Variants in ADAM10 observed in about 807,000 individuals in gnomAD.
The protein encoded by ADAM10 is disintegrin and metalloproteinase domain-containing protein 10.
In ADAM10, 17 loss-of-function variants were observed where a neutral mutation model predicts 90.1. That is an observed-to-expected ratio of 0.19 (90% CI 0.13 to 0.28). ADAM10 has a LOEUF of 0.28. Ranked by LOEUF, ADAM10 falls within the 10% of genes least tolerant of loss-of-function variation. ADAM10 has a pLI of 1.00. For synonymous variants in ADAM10, 310 were observed against 298.6 expected (o/e 1.04, Z -0.40); for missense variants, 610 against 914.3 (o/e 0.67, Z 4.29).
rs1227660223 is a variant in ADAM10 at position 58,597,556 on chromosome 15, CAT to C, written c.2236_2237del (p.Met746GlufsTer27). ...RPRESYQMGHMRR is the reference protein window; with the variant it reads ...RPRESYQMGHXRR Reference sequence around the variant, plus strand: ...AAGGCAAAAGCTGCAGTTAGCGTCTCATGTGTCCCATTTGATAACTCTCTCGG... The same window carrying C: ...AAGGCAAAAGCTGCAGTTAGCGTCTCGTGTCCCATTTGATAACTCTCTCGG... On this transcript the variant is annotated frameshift_variant, in exon 16 of 16. Coordinates refer to ENST00000260408, the MANE Select transcript of ADAM10 (RefSeq NM_001110.4). LOFTEE classifies it high-confidence loss of function. The C allele has an allele frequency of 6.2e-7, 1 of 1,614,016 alleles. No individual in the cohort carries two copies. Among genetic ancestry groups the C allele is most frequent in the Non-Finnish European group, 8.5e-7 (1 of 1,180,006 alleles).
In ADAM10 at chr15:58,669,539, T is replaced by G. The variant is rs148719346; in HGVS notation, c.485-4342A>C. Among the ~76,000 whole-genome samples the G allele has an allele frequency of 3.9e-4, 60 of 152,306 alleles. No homozygotes were observed. In the East Asian group the frequency reaches 0.011, roughly 28 times the overall value. On this transcript the variant is annotated intron_variant, in intron 4 of 15. Transcript: ENST00000260408. Reference sequence around the variant, plus strand: ...TGCTACTAGCTTAAATTAAAATTCTTTGGGTATTTTGCTTGTCTTGTTTCC... The same window carrying G: ...TGCTACTAGCTTAAATTAAAATTCTGTGGGTATTTTGCTTGTCTTGTTTCC...
At chr15:58,742,236 G>C (rs946339805) in intron 1 of ADAM10, among the ~76,000 whole-genome samples, 1 of 152,114 alleles carries the variant, frequency 6.6e-6, no homozygotes, top group African/African-American at 2.4e-5. Flanking sequence ...ACTTGCAGTA[G>C]TACAAGTGGA....
chr15:58,746,697 G>A (rs534091368), intron 1 of ADAM10, among the ~76,000 whole-genome samples: 1 of 152,266 alleles, frequency 6.6e-6, no homozygotes, highest in South Asian at 2.1e-4. Context: ...GGTCGCTAGG[G>A]ACGAGGAGTT....
At chr15:58,636,379 A>G (rs1195701400) in intron 8 of ADAM10, among the ~76,000 whole-genome samples, 9 of 152,194 alleles carry the variant, frequency 5.9e-5, no homozygotes. Flanking sequence ...TGTAACTCTG[A>G]AAGTTATGGT....
At position 58,589,574 on chromosome 15, in the gene ADAM10, C is replaced by T. The variant is rs1391833156; in HGVS notation, c.*7973G>A. On this transcript the variant is annotated 3_prime_UTR_variant, in exon 16 of 16. Coordinates refer to ENST00000260408, the MANE Select transcript of ADAM10 (RefSeq NM_001110.4). ...ACCCTCAGCTCCCTGAAGGCACAGACTGCAGTCCTTTGGGGGCTGTGAAAA... is the reference window on the plus strand; with the variant it reads ...ACCCTCAGCTCCCTGAAGGCACAGATTGCAGTCCTTTGGGGGCTGTGAAAA... 1 of 152,294 alleles carries T rather than the reference C, an allele frequency of 6.6e-6. No homozygotes were observed. Among genetic ancestry groups the T allele is most frequent in the African/African-American group, 2.4e-5 (1 of 41,452 alleles). The allele number at this position is 152,294 out of a possible 1,614,324, so 9.4% of individuals were successfully genotyped here. A position where few individuals can be genotyped will look rare whatever the true frequency, so the allele number is the denominator to read the frequency against.
chr15:58,610,539 T>A (rs199900458), intron 13 of ADAM10, 22 bp from the exon 14 acceptor site: 21 of 1,603,604 alleles, frequency 1.3e-5, no homozygotes, highest in Non-Finnish European at 6.0e-6. Context: ...ATGCCAAATA[T>A]AAGCTGAAGG....
In ADAM10 at chr15:58,604,195, G is replaced by A. The variant is rs549003016; in HGVS notation, c.2026-4471C>T. Among the ~76,000 whole-genome samples, 80 of 151,952 alleles carry A rather than the reference G, an allele frequency of 5.3e-4. 1 individual carries two copies. The highest frequency in any genetic ancestry group is 1.0e-3 in the Non-Finnish European group (70 of 67,988). ...TGGCCAACATGGTGAAACCCCATCT[G>A]TGCTAAAATACAAAAATTGGCCAAG... On this transcript the variant is annotated intron_variant, in intron 14 of 15. Coordinates refer to ENST00000260408, the MANE Select transcript of ADAM10 (RefSeq NM_001110.4).
rs570048387 is a variant in ADAM10, at chr15:58,594,725, T to G, written c.*2822A>C. ...GAGAGGACGGACTGTAAACAGAATT[T>G]AAGCATTCAATTACAAGTAAAAATA... is the stretch of plus-strand genomic sequence containing the variant. On this transcript the variant is annotated 3_prime_UTR_variant, in exon 16 of 16. Transcript: ENST00000260408. 1 of 152,116 alleles carries G rather than the reference T, an allele frequency of 6.6e-6. No homozygotes were observed. 9.4% of individuals were successfully genotyped at this position (152,116 alleles called of 1,614,324 possible).
intron 2 of ADAM10, chr15:58,692,306 A>G: frequency 1.6e-6 from 1 of 607,048 alleles, no homozygotes; most frequent in Non-Finnish European, 3.2e-6. Flanking sequence ...AATTCTCCAC[A>G]CTCTTCCTGG....
intron 9 of ADAM10, among the ~76,000 whole-genome samples, chr15:58,631,331 G>C (rs1022705171): frequency 7.9e-5 from 12 of 152,168 alleles, no homozygotes; most frequent in Middle Eastern, 3.2e-3. Context: ...ATGTGCAAAA[G>C]AATGGGGTAC....
intron 1 of ADAM10, among the ~76,000 whole-genome samples, chr15:58,723,798 C>T (rs1898940028): frequency 6.6e-6 from 1 of 151,854 alleles, no homozygotes; most frequent in African/African-American, 2.4e-5. Context: ...ATGAACATAA[C>T]ATTGTAAAAA....
At chr15:58,721,748 C>T (rs1595655786) in intron 1 of ADAM10, among the ~76,000 whole-genome samples, 1 of 152,228 alleles carries the variant, frequency 6.6e-6, no homozygotes, top group East Asian at 1.9e-4. Flanking sequence ...AGCCAGGTGG[C>T]CGGGTGTGGT....
intron 2 of ADAM10, among the ~76,000 whole-genome samples, chr15:58,694,211 A>G (rs1267546130): frequency 6.6e-6 from 1 of 152,200 alleles, no homozygotes; most frequent in Non-Finnish European, 1.5e-5. Context: ...GCACTCTGGG[A>G]GGCCGAGACA....
rs1455324015 is a variant in ADAM10, at chr15:58,591,936, T to C, written c.*5611A>G. The C allele has an allele frequency of 6.6e-6, 1 of 152,248 alleles. No individual in the cohort carries two copies. 9.4% of individuals were successfully genotyped at this position (152,248 alleles called of 1,614,324 possible). On this transcript the variant is annotated 3_prime_UTR_variant, in exon 16 of 16. Transcript: ENST00000260408. ...CAAATAAGTCCATAAATTGTCTTGA[T>C]AGATGTAGCTCTTAAGTCTCCTTTA...
At position 58,613,203 on chromosome 15, in the gene ADAM10, C is replaced by G. The variant is rs576030662; in HGVS notation, c.1512-1212G>C. Among the ~76,000 whole-genome samples, 3 of 152,308 alleles carry G rather than the reference C, an allele frequency of 2.0e-5. No homozygotes were observed. In the East Asian group the frequency reaches 5.8e-4, roughly 29 times the overall value. Reference sequence around the variant, plus strand: ...CAGTTATTGATGATGTTGAATACAGCTGAAGAAGCTGCATGGAGACTATAC... The same window carrying G: ...CAGTTATTGATGATGTTGAATACAGGTGAAGAAGCTGCATGGAGACTATAC... On this transcript the variant is annotated intron_variant, in intron 11 of 15. Coordinates refer to ENST00000260408, the MANE Select transcript of ADAM10 (RefSeq NM_001110.4).
At chr15:58,607,177 G>C (rs1289210050) in intron 14 of ADAM10, among the ~76,000 whole-genome samples, 2 of 152,254 alleles carry the variant, frequency 1.3e-5, no homozygotes, top group Non-Finnish European at 2.9e-5. Context: ...TTCTAGATGA[G>C]TGGTTCTTAA....
chr15:58,707,638 TA>T (rs1356864505), intron 2 of ADAM10, among the ~76,000 whole-genome samples: 1 of 152,198 alleles, frequency 6.6e-6, no homozygotes, highest in Non-Finnish European at 1.5e-5. Context: ...CATGATGGCA[TA>T]ATTACAGAAC....
intron 5 of ADAM10, among the ~76,000 whole-genome samples, chr15:58,654,345 A>G (rs1412279997): frequency 6.6e-6 from 1 of 152,098 alleles, no homozygotes; most frequent in African/African-American, 2.4e-5. Flanking sequence ...TCCTCTTAGT[A>G]CTGCTTTTAC....
chr15:58,731,378 G>C (rs527707587), intron 1 of ADAM10, among the ~76,000 whole-genome samples: 63 of 152,232 alleles, frequency 4.1e-4, no homozygotes, highest in Non-Finnish European at 7.5e-4. Flanking sequence ...TAACACTTTG[G>C]GGGGCCGAGG....
Sources: gnomAD v4.1 joint callset for allele counts (sites outside exome capture counted in the v4.1 genomes callset) on GRCh38, gnomAD v4.1.1 for gene constraint, MANE v1.5 for transcripts, NCBI Gene and HGNC (gene_info 2026-07-23, HGNC 2026-07-21) for gene names.